CSMD3: variants seen among roughly 807,000 people sequenced by gnomAD.
The protein encoded by CSMD3 is CUB and sushi domain-containing protein 3.
A neutral mutation model predicts 435.2 loss-of-function variants in CSMD3; 177 were observed. That is an observed-to-expected ratio of 0.41 (90% confidence interval 0.36 to 0.46). The LOEUF (loss-of-function observed/expected upper bound fraction) is 0.46. Among genes scored for constraint, CSMD3 ranks in the 20% least tolerant of loss-of-function variants. The probability of loss-of-function intolerance (pLI) is 0.34; values close to 1 mark genes in which losing one functional copy is unlikely to be tolerated. For missense variants in CSMD3, 4,265 were observed against 4,504.6 expected (o/e 0.95, Z 1.52); for synonymous variants, 1,656 against 1,520.5 (o/e 1.09, Z -2.07).
intron 1 of CSMD3, among the ~76,000 whole-genome samples, chr8:113,409,248 A>G (rs1849524): frequency 0.21 from 31,212 of 151,234 alleles, 4,184 homozygotes; most frequent in East Asian, 0.46. Flanking sequence ...ATGCCTGGCT[A>G]ATTTTTGTAT....
chr8:112,558,312 A>G (rs950906218), intron 24 of CSMD3, among the ~76,000 whole-genome samples: 4 of 151,818 alleles, frequency 2.6e-5, no homozygotes, highest in Non-Finnish European at 4.4e-5. Context: ...CCCTCATTCC[A>G]TAGGGGTCCT....
intron 28 of CSMD3, among the ~76,000 whole-genome samples, chr8:112,509,264 A>C (rs527653691): frequency 6.6e-6 from 1 of 151,954 alleles, no homozygotes; most frequent in Non-Finnish European, 1.5e-5. Context: ...TAATCTTTGT[A>C]TTTTTGGAGA....
intron 16 of CSMD3, among the ~76,000 whole-genome samples, chr8:112,677,055 G>A (rs2075784730): frequency 6.6e-6 from 1 of 152,082 alleles, no homozygotes; most frequent in Admixed American, 6.6e-5. Context: ...CTTCCAAGGA[G>A]ACAGAATGTC....
intron 32 of CSMD3, among the ~76,000 whole-genome samples, chr8:112,463,260 G>A (rs1448122254): frequency 6.6e-6 from 1 of 152,160 alleles, no homozygotes; most frequent in African/African-American, 2.4e-5. Context: ...TACTCAGCAG[G>A]CTGAGACAAG....
intron 9 of CSMD3, among the ~76,000 whole-genome samples, chr8:112,933,700 T>G (rs549488753): frequency 6.6e-6 from 1 of 152,294 alleles, no homozygotes; most frequent in East Asian, 1.9e-4. Context: ...AGAACTCTCA[T>G]TATTTTACAT....
At chr8:112,559,003 G>T (rs986890129) in intron 24 of CSMD3, among the ~76,000 whole-genome samples, 4 of 151,328 alleles carry the variant, frequency 2.6e-5, no homozygotes, top group African/African-American at 9.7e-5. Context: ...ATTCTCACAG[G>T]AAAAAAAATA....
At chr8:113,263,175 CT>C (rs2093440821) in intron 3 of CSMD3, among the ~76,000 whole-genome samples, 1 of 151,862 alleles carries the variant, frequency 6.6e-6, no homozygotes, top group Admixed American at 6.6e-5. Context: ...GAAATAAAGT[CT>C]TCAACTGAAA....
chr8:113,081,843 T>A (rs1003160211), intron 5 of CSMD3, among the ~76,000 whole-genome samples: 4 of 152,142 alleles, frequency 2.6e-5, no homozygotes, highest in Non-Finnish European at 4.4e-5. Flanking sequence ...ATTAGGCAGC[T>A]GAGCACAACA....
chr8:113,117,814 C>A (rs962243726), intron 4 of CSMD3, among the ~76,000 whole-genome samples: 1 of 152,218 alleles, frequency 6.6e-6, no homozygotes, highest in East Asian at 1.9e-4. Flanking sequence ...ATTTGACTAC[C>A]CTGCTGGATT....
At chr8:112,310,311 C>T (rs1454356495) in intron 50 of CSMD3, 2 of 152,654 alleles carry the variant, frequency 1.3e-5, no homozygotes, top group African/African-American at 4.8e-5. Context: ...CCTCCGCCTC[C>T]CGGGTTCAAG....
At position 113,195,814 on chromosome 8, in the gene CSMD3, T is replaced by TATACAC. The variant is rs1344054794; in HGVS notation, c.515-21899_515-21898insGTGTAT. ...TTTTATATATATATATATATATATA[T>TATACAC]ACACACACACACACACACACACACA... On this transcript the variant is annotated intron_variant, in intron 3 of 70. Coordinates refer to ENST00000297405, the MANE Select transcript of CSMD3 (RefSeq NM_198123.2). Among the ~76,000 whole-genome samples the TATACAC allele has an allele frequency of 1.4e-3, 185 of 133,440 alleles. 1 individual carries two copies. The highest frequency in any genetic ancestry group is 5.1e-3 in the African/African-American group (174 of 34,250). The allele number at this position is 133,440 out of a possible 152,430, so 87.5% of individuals were successfully genotyped here.
In CSMD3 at chr8:113,323,123, C is replaced by T. The variant is rs532419066; in HGVS notation, c.179-8330G>A. On this transcript the variant is annotated intron_variant, in intron 1 of 70. Coordinates refer to ENST00000297405, the MANE Select transcript of CSMD3 (RefSeq NM_198123.2). The stretch of plus-strand genomic sequence containing the variant: ...CCCATTTCAGTAACTATTACTTTAC[C>T]CTCATTCGCTTTTTGAAGCCCTAAT... Among the ~76,000 whole-genome samples, 4 of 152,146 alleles carry T rather than the reference C, an allele frequency of 2.6e-5. No homozygotes were observed. The South Asian group carries it at 8.3e-4, about 32-fold the overall frequency.
At chr8:112,325,617 C>T (rs547251126) in intron 45 of CSMD3, among the ~76,000 whole-genome samples, 1 of 152,020 alleles carries the variant, frequency 6.6e-6, no homozygotes, top group Admixed American at 6.6e-5. Context: ...TGACTGACTG[C>T]TAGAGAAATG....
At chr8:112,808,466 A>G (rs10111017) in intron 12 of CSMD3, among the ~76,000 whole-genome samples, 6,095 of 151,950 alleles carry the variant, frequency 0.04, 405 homozygotes, top group African/African-American at 0.14. Flanking sequence ...TTCTTCAAGG[A>G]CTTAACTTGT....
At chr8:113,392,679 C>T (rs2094465958) in intron 1 of CSMD3, among the ~76,000 whole-genome samples, 1 of 151,982 alleles carries the variant, frequency 6.6e-6, no homozygotes, top group Non-Finnish European at 1.5e-5. Context: ...GTACAAAACA[C>T]ATTAATTCAA....
chr8:113,256,069 T>C (rs1171769899), intron 3 of CSMD3, among the ~76,000 whole-genome samples: 1 of 151,958 alleles, frequency 6.6e-6, no homozygotes, highest in Non-Finnish European at 1.5e-5. Context: ...ATGTGCTACA[T>C]GAGGATCCTA....
chr8:112,431,608 T>C (rs1813718291), intron 32 of CSMD3, among the ~76,000 whole-genome samples: 1 of 152,144 alleles, frequency 6.6e-6, no homozygotes, highest in Non-Finnish European at 1.5e-5. Context: ...GGATGAATTC[T>C]GTATAGTGCA....
rs199998820 is a variant in CSMD3, at chr8:112,448,755, TAA to T, written c.5395+23834_5395+23835del. 5.1e-3 allele frequency among the ~76,000 whole-genome samples: 646 copies of T among 127,114 alleles called. 3 individuals carry two copies. Among genetic ancestry groups the T allele is most frequent in the Non-Finnish European group, 5.4e-3 (335 of 61,572 alleles). 83.4% of individuals were successfully genotyped at this position (127,114 alleles called of 152,430 possible). A position where few individuals can be genotyped will look rare whatever the true frequency, so the allele number is the denominator to read the frequency against. On this transcript the variant is annotated intron_variant, in intron 32 of 70. Coordinates refer to ENST00000297405, the MANE Select transcript of CSMD3 (RefSeq NM_198123.2). ...CAAATACTTTGGGAGTACAATCTAT[TAA>T]AAAAAAAAAAAAAAAAAAAAACCAA...
At chr8:112,445,509 G>A (rs1413297919) in intron 32 of CSMD3, among the ~76,000 whole-genome samples, 1 of 152,018 alleles carries the variant, frequency 6.6e-6, no homozygotes, top group Non-Finnish European at 1.5e-5. Context: ...CTTGGTGGGG[G>A]AAGGTGCCAC....
Sources: gnomAD v4.1 joint callset for allele counts (sites outside exome capture counted in the v4.1 genomes callset) on GRCh38, gnomAD v4.1.1 for gene constraint, MANE v1.5 for transcripts, NCBI Gene and HGNC (gene_info 2026-07-23, HGNC 2026-07-21) for gene names.